RBFOX1: variants seen among roughly 807,000 people sequenced by gnomAD.
RBFOX1 encodes RNA binding fox-1 homolog 1.
RBFOX1 carries 8 observed loss-of-function variants against 57.7 expected under a neutral mutation model. The ratio of observed to expected loss-of-function variants is 0.14; its 90% CI spans 0.08 to 0.25. The LOEUF (loss-of-function observed/expected upper bound fraction) is 0.25. Ranked by LOEUF, RBFOX1 falls within the 10% of genes least tolerant of loss-of-function variation. RBFOX1 has a pLI of 1.00. For missense variants in RBFOX1, 611 were observed against 548.5 expected (o/e 1.11, Z -1.14); for synonymous variants, 326 against 222.4 (o/e 1.47, Z -4.15).
At chr16:6,959,417 C>T (rs947657545) in intron 3 of RBFOX1, among the ~76,000 whole-genome samples, 3 of 152,160 alleles carry the variant, frequency 2.0e-5, no homozygotes, top group East Asian at 1.9e-4. Flanking sequence ...TTGTACTTCA[C>T]GCTTATCACA....
chr16:5,951,301 A>G (rs1181679552), intron 4 of RBFOX1, among the ~76,000 whole-genome samples: 1 of 151,894 alleles, frequency 6.6e-6, no homozygotes, highest in African/African-American at 2.4e-5. Flanking sequence ...TACAAAAATT[A>G]CCCGGGTGTG....
intron 2 of RBFOX1, among the ~76,000 whole-genome samples, chr16:6,323,789 T>C (rs1216617623): frequency 6.6e-6 from 1 of 152,202 alleles, no homozygotes; most frequent in Non-Finnish European, 1.5e-5. Flanking sequence ...TTTTTTTTTT[T>C]TGAGATAGAG....
chr16:6,679,028 C>T (rs1015518495), intron 3 of RBFOX1, among the ~76,000 whole-genome samples: 16 of 152,058 alleles, frequency 1.1e-4, no homozygotes, highest in African/African-American at 3.1e-4. Flanking sequence ...ATCGACTCTG[C>T]GTGTTGCTAT....
chr16:5,694,785 G>A (rs937479776), intron 3 of RBFOX1, among the ~76,000 whole-genome samples: 2 of 136,170 alleles, frequency 1.5e-5, no homozygotes, highest in Non-Finnish European at 3.3e-5. Context: ...CCTTTTTTGG[G>A]GAGTTGGGTT....
intron 1 of RBFOX1, among the ~76,000 whole-genome samples, chr16:5,272,356 G>T (rs569175222): frequency 6.6e-6 from 1 of 152,026 alleles, no homozygotes; most frequent in Non-Finnish European, 1.5e-5. Flanking sequence ...TTAAAATAAC[G>T]TTAGTTAAAA....
At chr16:5,645,369 C>G (rs540141053) in intron 3 of RBFOX1, among the ~76,000 whole-genome samples, 1 of 151,878 alleles carries the variant, frequency 6.6e-6, no homozygotes, top group South Asian at 2.1e-4. Context: ...TAGGTATATA[C>G]ACACAATGTA....
chr16:5,786,493 A>G (rs1475826093), intron 3 of RBFOX1, among the ~76,000 whole-genome samples: 1 of 152,118 alleles, frequency 6.6e-6, no homozygotes, highest in Non-Finnish European at 1.5e-5. Context: ...GGATAAGGAG[A>G]TGTGCCGTGT....
chr16:7,666,336 G>T (rs2069253692), intron 13 of RBFOX1, among the ~76,000 whole-genome samples: 2 of 151,408 alleles, frequency 1.3e-5, no homozygotes, highest in South Asian at 2.1e-4. Context: ...TAGAGAAATG[G>T]TTTTTTAAAA....
chr16:5,784,092 G>T (rs778998438), intron 3 of RBFOX1, among the ~76,000 whole-genome samples: 4 of 152,150 alleles, frequency 2.6e-5, no homozygotes, highest in Non-Finnish European at 5.9e-5. Context: ...CTTCTAGGGA[G>T]GCCTCAGGAA....
rs138115151 is a variant in RBFOX1 at position 6,978,576 on chromosome 16, C to G, written c.-15-73481C>G. 2.5e-3 allele frequency among the ~76,000 whole-genome samples: 381 copies of G among 152,242 alleles called. 3 individuals carry two copies. The highest frequency in any genetic ancestry group is 4.3e-3 in the Non-Finnish European group (293 of 68,022). On this transcript the variant is annotated intron_variant, in intron 3 of 15. Transcript: ENST00000550418. ...CAGTCATAGAGCCCCTTTCTCCTTTCTATATTCTGGGTATTACCAGGTTGG... is the reference window on the plus strand; with the variant it reads ...CAGTCATAGAGCCCCTTTCTCCTTTGTATATTCTGGGTATTACCAGGTTGG...
chr16:7,046,316 T>C (rs2047925776), intron 3 of RBFOX1, among the ~76,000 whole-genome samples: 1 of 152,042 alleles, frequency 6.6e-6, no homozygotes, highest in Non-Finnish European at 1.5e-5. Flanking sequence ...TTCACTTTTT[T>C]CGGTTTTCTT....
intron 3 of RBFOX1, among the ~76,000 whole-genome samples, chr16:6,839,254 G>A (rs2093323901): frequency 1.3e-5 from 2 of 152,188 alleles, no homozygotes; most frequent in Admixed American, 1.3e-4. Flanking sequence ...CAAAGTGCTG[G>A]GATTACAGGC....
intron 2 of RBFOX1, among the ~76,000 whole-genome samples, chr16:6,535,531 T>G (rs544862619): frequency 9.8e-4 from 150 of 152,362 alleles, no homozygotes; most frequent in Admixed American, 2.4e-3. Context: ...TTTGTTCACA[T>G]GTCAGGTTTA....
intron 4 of RBFOX1, among the ~76,000 whole-genome samples, chr16:7,281,448 A>G (rs939356646): frequency 2.0e-5 from 3 of 152,072 alleles, no homozygotes; most frequent in East Asian, 1.9e-4. Context: ...CCTCTCTTCT[A>G]TAAAACACAG....
chr16:5,867,345 G>T, intron 4 of RBFOX1: 1 of 1,199,138 alleles, frequency 8.3e-7, no homozygotes, highest in Non-Finnish European at 1.0e-6. Context: ...GGTAGGAAAC[G>T]TGGTTTTTCT....
intron 4 of RBFOX1, among the ~76,000 whole-genome samples, chr16:7,159,055 C>G (rs563014964): frequency 5.3e-5 from 8 of 151,828 alleles, no homozygotes; most frequent in Non-Finnish European, 1.2e-4. Context: ...CAACCACTAA[C>G]CTGTTCTTCA....
At chr16:6,908,877 T>C (rs1038392976) in intron 3 of RBFOX1, among the ~76,000 whole-genome samples, 1 of 152,122 alleles carries the variant, frequency 6.6e-6, no homozygotes, top group South Asian at 2.1e-4. Context: ...TATAATAATT[T>C]TGAACAATGC....
At chr16:6,142,173 CTTG>C (rs1025640091) in intron 1 of RBFOX1, among the ~76,000 whole-genome samples, 1 of 107,864 alleles carries the variant, frequency 9.3e-6, no homozygotes, top group Admixed American at 1.2e-4. Flanking sequence ...TTCAGAGATC[CTTG>C]TTGCTGCTGC....
chr16:6,038,630 T>C (rs1045208015), intron 1 of RBFOX1: 2 of 148,416 alleles, frequency 1.3e-5, no homozygotes, highest in African/African-American at 4.9e-5. Flanking sequence ...TATATATATA[T>C]ATGTGTATGA....
Sources: gnomAD v4.1 joint callset for allele counts (sites outside exome capture counted in the v4.1 genomes callset) on GRCh38, gnomAD v4.1.1 for gene constraint, MANE v1.5 for transcripts, NCBI Gene and HGNC (gene_info 2026-07-23, HGNC 2026-07-21) for gene names.